ATP11C: variants seen among roughly 807,000 people sequenced by gnomAD.
ATP11C encodes ATPase phospholipid transporting 11C (ATP11C blood group), also known as phospholipid-transporting ATPase IG.
ATP11C carries 36 observed loss-of-function variants against 97.4 expected under a neutral mutation model. The ratio of observed to expected loss-of-function variants is 0.37; its 90% confidence interval spans 0.28 to 0.49. ATP11C has a LOEUF of 0.49. Among genes scored for constraint, ATP11C ranks in the 20% least tolerant of loss-of-function variants. The pLI is 0.98. For synonymous variants in ATP11C, 275 were observed against 290.9 expected (o/e 0.95, Z 0.56); for missense variants, 730 against 824.6 (o/e 0.89, Z 1.40).
At chrX:139,756,244 T>G (rs1258460664) in intron 23 of ATP11C, among the ~76,000 whole-genome samples, 1 of 111,580 alleles carries the variant, frequency 9.0e-6, no homozygotes, top group Non-Finnish European at 1.9e-5. Flanking sequence ...CACTAATCAT[T>G]AGAGAAATGC....
In ATP11C at chrX:139,932,870, G is replaced by A. The variant is rs1021049230; in HGVS notation, c.-828C>T. ...CGGGAGGGGCGGGGCGGGGTGCGAG[G>A]GGGGACTAGTTCTGAAAGCCCACCC... On this transcript the variant is annotated 5_prime_UTR_variant, in exon 1 of 30. Coordinates refer to ENST00000682941, the MANE Select transcript of ATP11C (RefSeq NM_001353812.2). 9.0e-6 allele frequency: 1 copy of A among 111,121 alleles called. No individual in the cohort carries two copies. Among genetic ancestry groups the A allele is most frequent in the Non-Finnish European group, 1.9e-5 (1 of 52,719 alleles). 9.2% of individuals were successfully genotyped at this position (111,121 alleles called of 1,213,427 possible).
chrX:139,823,046 G>A (rs939434814), intron 2 of ATP11C, among the ~76,000 whole-genome samples: 3 of 109,883 alleles, frequency 2.7e-5, no homozygotes, highest in East Asian at 2.9e-4. Context: ...GCGAAACCCC[G>A]TGTCTATTAA....
rs900097823 is a variant in ATP11C, at chrX:139,726,811, G to A, written c.*2155C>T. 4 of 111,622 alleles carry A rather than the reference G, an allele frequency of 3.6e-5. No homozygotes were observed. Among genetic ancestry groups the A allele is most frequent in the African/African-American group, 1.3e-4 (4 of 30,730 alleles). 9.2% of individuals were successfully genotyped at this position (111,622 alleles called of 1,213,427 possible). A position where few individuals can be genotyped will look rare whatever the true frequency, so the allele number is the denominator to read the frequency against. On this transcript the variant is annotated 3_prime_UTR_variant, in exon 30 of 30. Coordinates refer to ENST00000682941, the MANE Select transcript of ATP11C (RefSeq NM_001353812.2). Reference sequence around the variant, plus strand: ...TTTTTCCCTTTCTCTGTCACAAATAGGGTGATTACATTGAGTGCTAGGAAT... The same window carrying A: ...TTTTTCCCTTTCTCTGTCACAAATAAGGTGATTACATTGAGTGCTAGGAAT...
chrX:139,866,804 G>A lies in ATP11C; in HGVS notation c.28-39981C>T, dbSNP rs183431572. Among the ~76,000 whole-genome samples, 17 of 110,988 alleles carry A rather than the reference G, an allele frequency of 1.5e-4. No homozygotes were observed. In the East Asian group the frequency reaches 2.3e-3, roughly 15 times the overall value. ...ACTACACTCTTAACAATACACTGGCGAGGCATGGTGGCTCACACCTATAAA... is the reference window on the plus strand; with the variant it reads ...ACTACACTCTTAACAATACACTGGCAAGGCATGGTGGCTCACACCTATAAA... On this transcript the variant is annotated intron_variant, in intron 1 of 29. Coordinates refer to ENST00000682941, the MANE Select transcript of ATP11C (RefSeq NM_001353812.2).
At chrX:139,815,207 T>C (rs1290739892) in intron 4 of ATP11C, among the ~76,000 whole-genome samples, 1 of 112,298 alleles carries the variant, frequency 8.9e-6, no homozygotes, top group East Asian at 2.8e-4. Context: ...AAAAGTTTTC[T>C]CCACTCTTTA....
At chrX:139,730,526 G>A (rs1204063758) in intron 29 of ATP11C, among the ~76,000 whole-genome samples, 8 of 111,447 alleles carry the variant, frequency 7.2e-5, no homozygotes, top group Non-Finnish European at 1.5e-4. Context: ...ATGAACTCCA[G>A]GAAGACAGAA....
chrX:139,879,861 A>G (rs1027863085), intron 1 of ATP11C, among the ~76,000 whole-genome samples: 1 of 111,589 alleles, frequency 9.0e-6, no homozygotes. Context: ...AACTACTTTA[A>G]AAGTCAGGAT....
chrX:139,873,624 T>C (rs1412561947), intron 1 of ATP11C, among the ~76,000 whole-genome samples: 1 of 103,222 alleles, frequency 9.7e-6, no homozygotes, highest in Non-Finnish European at 2.0e-5. Flanking sequence ...AGAGAATTGC[T>C]TGAACCTGGG....
chrX:139,852,457 G>C (rs1349340170), intron 1 of ATP11C, among the ~76,000 whole-genome samples: 9 of 7,287 alleles, frequency 1.2e-3, no homozygotes, highest in African/African-American at 2.8e-3. Context: ...CAATGCGGGG[G>C]GGGGGGGGGG....
intron 1 of ATP11C, chrX:139,924,147 C>T (rs759138589): frequency 1.3e-5 from 5 of 382,020 alleles, no homozygotes; most frequent in African/African-American, 1.0e-4. Context: ...ACGAACTTGG[C>T]GATGCTCCAG....
intron 18 of ATP11C, among the ~76,000 whole-genome samples, chrX:139,781,671 T>A (rs1481733451): frequency 4.5e-5 from 5 of 111,622 alleles, no homozygotes; most frequent in Non-Finnish European, 9.4e-5. Context: ...GAGCCGAGAT[T>A]GTGCCACTGC....
chrX:139,744,511 T>C (rs999870385), intron 25 of ATP11C, among the ~76,000 whole-genome samples: 3 of 112,184 alleles, frequency 2.7e-5, no homozygotes, highest in African/African-American at 6.5e-5. Flanking sequence ...ACATCGACTA[T>C]AGGAGAGTAT....
chrX:139,855,898 T>C (rs2084083122), intron 1 of ATP11C, among the ~76,000 whole-genome samples: 1 of 112,010 alleles, frequency 8.9e-6, no homozygotes, highest in Admixed American at 9.4e-5. Flanking sequence ...CTTTATATCG[T>C]AGTTGGTCCA....
intron 12 of ATP11C, among the ~76,000 whole-genome samples, chrX:139,794,342 A>G (rs925045780): frequency 3.6e-5 from 4 of 112,637 alleles, no homozygotes; most frequent in Non-Finnish European, 7.5e-5. Flanking sequence ...CTCAACAAAG[A>G]AAAAACAGGT....
At chrX:139,833,964 G>A (rs1374515659) in intron 1 of ATP11C, among the ~76,000 whole-genome samples, 1 of 111,601 alleles carries the variant, frequency 9.0e-6, no homozygotes, top group Non-Finnish European at 1.9e-5. Context: ...AAAGGATGAG[G>A]TTTGCAGATG....
chrX:139,747,571 C>T (rs2081716937), intron 24 of ATP11C, among the ~76,000 whole-genome samples: 1 of 111,786 alleles, frequency 8.9e-6, no homozygotes, highest in Admixed American at 9.5e-5. Context: ...AAACAAATTA[C>T]ACCTGTTCCC....
chrX:139,933,646 G>C (rs2085485650), upstream of ATP11C, among the ~76,000 whole-genome samples: 1 of 112,118 alleles, frequency 8.9e-6, no homozygotes, highest in East Asian at 2.8e-4. Context: ...ACTCTTACAC[G>C]AGTCTTCCGC....
intron 28 of ATP11C, among the ~76,000 whole-genome samples, chrX:139,737,163 T>C (rs948111353): frequency 1.4e-4 from 16 of 111,310 alleles, no homozygotes; most frequent in African/African-American, 4.6e-4. Flanking sequence ...GAATATGACA[T>C]ATTTAATTAG....
chrX:139,839,300 C>T (rs967304099), intron 1 of ATP11C, among the ~76,000 whole-genome samples: 4 of 111,370 alleles, frequency 3.6e-5, no homozygotes, highest in East Asian at 5.6e-4. Context: ...GAACTAGGTA[C>T]GAGTTTGTGG....
Sources: allele counts gnomAD v4.1 joint callset (sites outside exome capture counted in the v4.1 genomes callset), GRCh38; gene constraint gnomAD v4.1.1; transcripts MANE v1.5; gene names NCBI Gene and HGNC (gene_info 2026-07-23, HGNC 2026-07-21).